WDFY4: variants seen among roughly 807,000 people sequenced by gnomAD.
WDFY4 encodes the protein WDFY family member 4.
Under a neutral mutation model 351.9 loss-of-function variants are expected in WDFY4, and 169 were observed. That is an observed-to-expected ratio of 0.48 (90% CI 0.42 to 0.55). The LOEUF (loss-of-function observed/expected upper bound fraction) is 0.55. Among genes scored for constraint, WDFY4 ranks in the 20% least tolerant of loss-of-function variants. WDFY4 has a pLI of 0.00. For synonymous variants in WDFY4, 1,622 were observed against 1,574.6 expected (o/e 1.03, Z -0.71); for missense variants, 3,803 against 3,935.6 (o/e 0.97, Z 0.90).
At chr10:48,688,354 A>C (rs915838670) in intron 1 of WDFY4, among the ~76,000 whole-genome samples, 1 of 152,196 alleles carries the variant, frequency 6.6e-6, no homozygotes, top group Non-Finnish European at 1.5e-5. Context: ...AAAAAAAACT[A>C]TGTTCAGATT....
At chr10:48,753,869 G>C (rs1032782991) in intron 12 of WDFY4, among the ~76,000 whole-genome samples, 1 of 152,204 alleles carries the variant, frequency 6.6e-6, no homozygotes, top group South Asian at 2.1e-4. Context: ...AGGGTCAGCT[G>C]TCACCATTTG....
chr10:48,811,508 G>C, intron 29 of WDFY4, 31 bp from the exon 30 acceptor site: 1 of 1,548,802 alleles, frequency 6.5e-7, no homozygotes. Flanking sequence ...GTTCTCAGCT[G>C]ACTTTTGTGC....
At chr10:48,764,648 G>A (rs976178991) in intron 13 of WDFY4, among the ~76,000 whole-genome samples, 1 of 152,148 alleles carries the variant, frequency 6.6e-6, no homozygotes, top group Non-Finnish European at 1.5e-5. Context: ...TGTGCACCAG[G>A]CACTCACAAT....
chr10:48,859,533 G>T (rs551464343), intron 39 of WDFY4, among the ~76,000 whole-genome samples: 1 of 152,036 alleles, frequency 6.6e-6, no homozygotes, highest in Non-Finnish European at 1.5e-5. Flanking sequence ...ATTACTTTTT[G>T]GATATTTGTC....
At chr10:48,817,497 C>G (rs781338825) in intron 32 of WDFY4, 88 bp downstream of exon 32, 27 of 1,401,064 alleles carry the variant, frequency 1.9e-5, no homozygotes, top group South Asian at 6.1e-5. Flanking sequence ...TCCCCTCCCC[C>G]CTAAAATTAA....
intron 40 of WDFY4, among the ~76,000 whole-genome samples, chr10:48,872,946 G>C (rs897808374): frequency 6.6e-6 from 1 of 152,180 alleles, no homozygotes. Context: ...CTGTCATTTC[G>C]TTGGAGATTC....
intron 56 of WDFY4, among the ~76,000 whole-genome samples, chr10:48,969,527 A>G (rs1182525103): frequency 6.6e-6 from 1 of 152,092 alleles, no homozygotes; most frequent in African/African-American, 2.4e-5. Context: ...GCCCACCCAC[A>G]CTGGCACTAA....
intron 39 of WDFY4, among the ~76,000 whole-genome samples, chr10:48,864,071 G>C (rs1327557031): frequency 1.3e-5 from 2 of 152,312 alleles, no homozygotes; most frequent in East Asian, 3.9e-4. Context: ...TTCAAGATGA[G>C]ATTTGAGTGG....
intron 39 of WDFY4, among the ~76,000 whole-genome samples, chr10:48,845,106 G>A (rs148620414): frequency 6.6e-6 from 1 of 152,176 alleles, no homozygotes; most frequent in Non-Finnish European, 1.5e-5. Flanking sequence ...GCAGAGAGAG[G>A]CCCATGTGGC....
chr10:48,961,289 C>T (rs1841848572), intron 53 of WDFY4, among the ~76,000 whole-genome samples: 1 of 152,144 alleles, frequency 6.6e-6, no homozygotes, highest in African/African-American at 2.4e-5. Context: ...CAGCCATAGT[C>T]TGATAAAAGA....
chr10:48,914,678 T>C (rs1241681704), intron 47 of WDFY4, among the ~76,000 whole-genome samples: 1 of 152,152 alleles, frequency 6.6e-6, no homozygotes, highest in Non-Finnish European at 1.5e-5. Flanking sequence ...GCCTGGATCT[T>C]AGAGAATAAG....
intron 47 of WDFY4, among the ~76,000 whole-genome samples, chr10:48,938,663 G>A (rs1340492611): frequency 6.6e-6 from 1 of 152,244 alleles, no homozygotes; most frequent in Admixed American, 6.5e-5. Context: ...GTGTGGGGTA[G>A]GGAAGGCCCT....
At chr10:48,929,765 C>A (rs1007858479) in intron 47 of WDFY4, among the ~76,000 whole-genome samples, 8 of 152,176 alleles carry the variant, frequency 5.3e-5, no homozygotes, top group African/African-American at 1.2e-4. Flanking sequence ...GCCCAGCTCC[C>A]AGCCAGCTGC....
At chr10:48,961,154 T>C (rs1348529575) in intron 53 of WDFY4, among the ~76,000 whole-genome samples, 1 of 152,256 alleles carries the variant, frequency 6.6e-6, no homozygotes, top group Non-Finnish European at 1.5e-5. Context: ...CCTGTCCTTT[T>C]CTGCAAAGAG....
intron 24 of WDFY4, chr10:48,802,796 C>G (rs772469757): frequency 2.5e-5 from 12 of 472,434 alleles, no homozygotes; most frequent in Non-Finnish European, 5.3e-5. Context: ...GGTATGTAGT[C>G]AGTACAGTGT....
chr10:48,956,386 C>T (rs574412887), intron 51 of WDFY4, among the ~76,000 whole-genome samples: 7 of 152,162 alleles, frequency 4.6e-5, no homozygotes, highest in African/African-American at 7.2e-5. Flanking sequence ...TCTCTCTTAT[C>T]GAAGCCAAGA....
chr10:48,885,540 C>T (rs866018833), intron 43 of WDFY4, among the ~76,000 whole-genome samples: 22 of 152,218 alleles, frequency 1.4e-4, no homozygotes, highest in African/African-American at 5.3e-4. Context: ...GTGTGGCTGT[C>T]TGCAGGCTGT....
At chr10:48,932,456 A>G (rs1328278275) in intron 47 of WDFY4, 3 of 152,242 alleles carry the variant, frequency 2.0e-5, no homozygotes, top group Non-Finnish European at 4.4e-5. Flanking sequence ...AATAATAGCT[A>G]CTTACAGATA....
intron 12 of WDFY4, among the ~76,000 whole-genome samples, chr10:48,755,157 A>G (rs548364198): frequency 6.6e-5 from 10 of 152,252 alleles, no homozygotes; most frequent in Non-Finnish European, 1.0e-4. Flanking sequence ...AGAATACCAT[A>G]TACATGGAAG....
Sources: gnomAD v4.1 joint callset for allele counts (sites outside exome capture counted in the v4.1 genomes callset) on GRCh38, gnomAD v4.1.1 for gene constraint, MANE v1.5 for transcripts, NCBI Gene and HGNC (gene_info 2026-07-23, HGNC 2026-07-21) for gene names.